GTF2H4: variants seen among roughly 807,000 people sequenced by gnomAD.
GTF2H4 encodes general transcription factor IIH subunit 4.
A neutral mutation model predicts 62.2 loss-of-function variants in GTF2H4; 49 were observed. The ratio of observed to expected loss-of-function variants is 0.79; its 90% CI spans 0.63 to 1.00. The LOEUF (loss-of-function observed/expected upper bound fraction) is 1.00, where lower values mean the gene tolerates loss of function less well. GTF2H4 is among the 50% of genes least tolerant of loss of function. The pLI, the probability that GTF2H4 is intolerant of heterozygous loss-of-function variation, is 0.00. For missense variants in GTF2H4, 479 were observed against 587.8 expected, an observed-to-expected ratio of 0.81 and a Z score of 1.91; for synonymous variants, 189 against 233.8, an observed-to-expected ratio of 0.81 and a Z score of 1.75.
rs1374778872 is a variant in GTF2H4, at chr6:30,911,521, A to G, written c.741+22A>G. 1 of 1,603,160 alleles carries G rather than the reference A, an allele frequency of 6.2e-7. No individual in the cohort carries two copies. The highest frequency in any genetic ancestry group is 2.2e-5 in the East Asian group (1 of 44,824). ...CAAGGTAAGCAGGGGGCTGAAAGGT[A>G]TAGAGATGGGAAGGGGAAAGCAAGT... On this transcript the variant is annotated intron_variant, in intron 8 of 13. Transcript: ENST00000259895. This position sits in a 1 kb window ranked among gnomAD's most constrained non-coding sequence, Gnocchi z 4.3.
Position 30,910,823 on chromosome 6 carries a change from A to G in GTF2H4, c.472-30A>G. 1 of 1,606,400 alleles carries G rather than the reference A, an allele frequency of 6.2e-7. No homozygotes were observed. The highest frequency in any genetic ancestry group is 8.5e-7 in the Non-Finnish European group (1 of 1,174,474). On this transcript the variant is annotated intron_variant, in intron 5 of 13. Transcript: ENST00000259895. This position sits in a 1 kb window ranked among gnomAD's most constrained non-coding sequence, Gnocchi z 4.7. ...TTCTACTTCCCATGGCCCTTGGGGC[A>G]TGGTCTCCCTGTTCTCTTCTGTTCT... is the stretch of plus-strand genomic sequence containing the variant.
chr6:30,913,762 T>C lies in GTF2H4; in HGVS notation c.1217-49T>C. The C allele has an allele frequency of 6.8e-7, 1 of 1,479,772 alleles. No individual in the cohort carries two copies. Among genetic ancestry groups the C allele is most frequent in the Non-Finnish European group, 9.0e-7 (1 of 1,108,288 alleles). The allele number at this position is 1,479,772 out of a possible 1,614,324, so 91.7% of individuals were successfully genotyped here. Reference sequence around the variant, plus strand: ...GGGATTCCCAATAGGAGCTCCGAGCTTCACTTTCTCGTCTTCTCCCCGCGC... The same window carrying C: ...GGGATTCCCAATAGGAGCTCCGAGCCTCACTTTCTCGTCTTCTCCCCGCGC... On this transcript the variant is annotated intron_variant, in intron 13 of 13. Transcript: ENST00000259895. The surrounding 1 kb of genome is among the most constrained non-coding windows in gnomAD (Gnocchi z 4.2).
chr6:30,913,096 G>T lies in GTF2H4; in HGVS notation c.1090-14G>T. On this transcript the variant is annotated splice_polypyrimidine_tract_variant and intron_variant, in intron 11 of 13. Transcript: ENST00000259895. This position sits in a 1 kb window ranked among gnomAD's most constrained non-coding sequence, Gnocchi z 4.2. ...TTGCTGGAGCCCTCATGCCATTCTTGTCTGTTTTCCTAGATAATCCATTTC... is the reference window on the plus strand; with the variant it reads ...TTGCTGGAGCCCTCATGCCATTCTTTTCTGTTTTCCTAGATAATCCATTTC... The T allele has an allele frequency of 6.2e-7, 1 of 1,613,932 alleles. No individual in the cohort carries two copies. The highest frequency in any genetic ancestry group is 8.5e-7 in the Non-Finnish European group (1 of 1,179,884).
rs900790505 is a variant in GTF2H4 at position 30,909,278 on chromosome 6, G to T, written c.137+105G>T. On this transcript the variant is annotated intron_variant, in intron 2 of 13. Coordinates refer to ENST00000259895, the MANE Select transcript of GTF2H4 (RefSeq NM_001517.5). The surrounding 1 kb of genome is among the most constrained non-coding windows in gnomAD (Gnocchi z 4.3). The stretch of plus-strand genomic sequence containing the variant: ...CCTGGAGTCGGGGTGGGGACTGGGG[G>T]CAAGGGTTGGAAATTGCTCTAAAGT... 2 of 1,396,306 alleles carry T rather than the reference G, an allele frequency of 1.4e-6. No individual in the cohort carries two copies. The highest frequency in any genetic ancestry group is 2.5e-5 in the East Asian group (1 of 40,326). 86.5% of individuals were successfully genotyped at this position (1,396,306 alleles called of 1,614,324 possible). A position where few individuals can be genotyped will look rare whatever the true frequency, so the allele number is the denominator to read the frequency against.
In GTF2H4 at chr6:30,911,246, T is replaced by C; in HGVS notation, c.649T>C (p.Leu217=). ...CCCGGCTCAGCTCTGGTACTTTATG[T>C]TGCAGTATTTGCAGACAGCCCAGGT... ...DTPAQLWYFM[L]QYLQTAQSRG... is the part of the protein sequence containing the mutation. The change falls in exon 7 of 14, where the codon TTG becomes CTG. Residue 217 remains leucine (L), a synonymous_variant. Transcript: ENST00000259895. This position sits in a 1 kb window ranked among gnomAD's most constrained non-coding sequence, Gnocchi z 4.3. The C allele has an allele frequency of 6.2e-7, 1 of 1,613,446 alleles. No homozygotes were observed. Among genetic ancestry groups the C allele is most frequent in the Non-Finnish European group, 8.5e-7 (1 of 1,179,890 alleles).
Position 30,909,080 on chromosome 6 carries a change from A to G in GTF2H4, c.44A>G (p.Gln15Arg). ...PSRGLNRVHL[Q>R]CRNLQEFLGG... ...AGGGGACTGAACCGAGTACACCTAC[A>G]ATGCAGGAATCTGCAGGAATTCTTA... Residue 15 changes from glutamine (Q) to arginine (R), a missense_variant, in exon 2 of 14, where the codon CAA becomes CGA. Transcript: ENST00000259895. This position sits in a 1 kb window ranked among gnomAD's most constrained non-coding sequence, Gnocchi z 4.3. The G allele has an allele frequency of 6.2e-7, 1 of 1,614,190 alleles. No individual in the cohort carries two copies. The highest frequency in any genetic ancestry group is 8.5e-7 in the Non-Finnish European group (1 of 1,180,020).
Position 30,911,291 on chromosome 6 carries a change from A to G in GTF2H4, c.672+22A>G. 6.4e-6 allele frequency: 10 copies of G among 1,574,770 alleles called. No individual in the cohort carries two copies. The highest frequency in any genetic ancestry group is 8.7e-6 in the Non-Finnish European group (10 of 1,145,344). On this transcript the variant is annotated intron_variant, in intron 7 of 13. Coordinates refer to ENST00000259895, the MANE Select transcript of GTF2H4 (RefSeq NM_001517.5). The surrounding 1 kb of genome is among the most constrained non-coding windows in gnomAD (Gnocchi z 4.3). ...CCAGGTGAGGAGGCAGGGCCACTTA[A>G]CCAGCATGCTCTGCTCCTCTCAGGT...
Position 30,909,563 on chromosome 6 carries a change from T to C in GTF2H4, c.242+24T>C. On this transcript the variant is annotated intron_variant, in intron 3 of 13. Coordinates refer to ENST00000259895, the MANE Select transcript of GTF2H4 (RefSeq NM_001517.5). The surrounding 1 kb of genome is among the most constrained non-coding windows in gnomAD (Gnocchi z 4.3). Reference sequence around the variant, plus strand: ...AAGTAAGTCTCAGCCAGATACAAATTTCTCAACAGCTACATTTCCCAAACT... The same window carrying C: ...AAGTAAGTCTCAGCCAGATACAAATCTCTCAACAGCTACATTTCCCAAACT... 1 of 1,415,878 alleles carries C rather than the reference T, an allele frequency of 7.1e-7. No homozygotes were observed. The highest frequency in any genetic ancestry group is 1.1e-5 in the South Asian group (1 of 87,038). 87.7% of individuals were successfully genotyped at this position (1,415,878 alleles called of 1,614,324 possible).
chr6:30,914,026 C>CGGGGG lies in GTF2H4; in HGVS notation c.*47_*48insGGGGG. On this transcript the variant is annotated 3_prime_UTR_variant, in exon 14 of 14. Transcript: ENST00000259895. Reference sequence around the variant, plus strand: ...ACGGACCTCGGCGGGCGGGACTGGGCGGGGCGGGGCATCAGAACTCAGGTG... The same window carrying CGGGGG: ...ACGGACCTCGGCGGGCGGGACTGGGCGGGGGGGGGCGGGGCATCAGAACTCAGGTG... 4 of 608,068 alleles carry CGGGGG rather than the reference C, an allele frequency of 6.6e-6. No individual in the cohort carries two copies. The highest frequency in any genetic ancestry group is 1.1e-5 in the Non-Finnish European group (4 of 355,886). 37.7% of individuals were successfully genotyped at this position (608,068 alleles called of 1,614,324 possible).
Position 30,913,760 on chromosome 6 carries a change from G to A in GTF2H4, c.1217-51G>A. 1 of 1,473,822 alleles carries A rather than the reference G, an allele frequency of 6.8e-7. No homozygotes were observed. Among genetic ancestry groups the A allele is most frequent in the East Asian group, 2.5e-5 (1 of 40,414 alleles). The allele number at this position is 1,473,822 out of a possible 1,614,324, so 91.3% of individuals were successfully genotyped here. ...GGGGGATTCCCAATAGGAGCTCCGA[G>A]CTTCACTTTCTCGTCTTCTCCCCGC... On this transcript the variant is annotated intron_variant, in intron 13 of 13. Coordinates refer to ENST00000259895, the MANE Select transcript of GTF2H4 (RefSeq NM_001517.5). The surrounding 1 kb of genome is among the most constrained non-coding windows in gnomAD (Gnocchi z 4.2).
In GTF2H4 at chr6:30,911,814, G is replaced by A. The variant is rs375196359; in HGVS notation, c.825+47G>A. On this transcript the variant is annotated intron_variant, in intron 9 of 13. Transcript: ENST00000259895. This position sits in a 1 kb window ranked among gnomAD's most constrained non-coding sequence, Gnocchi z 4.3. ...GCTTCCAGGGAAGAAACAGGGTGGT[G>A]TGTTGCCTTTGCCTTTAAAAAGGAG... 5.1e-5 allele frequency: 79 copies of A among 1,546,028 alleles called. No homozygotes were observed. The African/African-American group carries it at 8.8e-4, about 17-fold the overall frequency.
At position 30,911,853 on chromosome 6, in the gene GTF2H4, C is replaced by G; in HGVS notation, c.825+86C>G. The G allele has an allele frequency of 7.0e-7, 1 of 1,420,874 alleles. No homozygotes were observed. The highest frequency in any genetic ancestry group is 1.1e-5 in the South Asian group (1 of 86,992). 88.0% of individuals were successfully genotyped at this position (1,420,874 alleles called of 1,614,324 possible). On this transcript the variant is annotated intron_variant, in intron 9 of 13. Transcript: ENST00000259895. The surrounding 1 kb of genome is among the most constrained non-coding windows in gnomAD (Gnocchi z 4.3). ...TTTAAAAAGGAGTGGGGTCTTGGGG[C>G]AGTAGCAGGAAGCAGTTGCCAGAAC... is the stretch of plus-strand genomic sequence containing the variant.
At position 30,911,253 on chromosome 6, in the gene GTF2H4, A is replaced by G; in HGVS notation, c.656A>G (p.Tyr219Cys). The stretch of plus-strand genomic sequence containing the variant: ...CAGCTCTGGTACTTTATGTTGCAGT[A>G]TTTGCAGACAGCCCAGGTGAGGAGG... ...PAQLWYFMLQ[Y>C]LQTAQSRGMD... The change falls in exon 7 of 14, where the codon TAT becomes TGT. Residue 219 changes from tyrosine (Y) to cysteine (C), a missense_variant. Tyr to Cys is a radical substitution (Grantham distance 194). Transcript: ENST00000259895. The surrounding 1 kb of genome is among the most constrained non-coding windows in gnomAD (Gnocchi z 4.3). 2 of 1,613,124 alleles carry G rather than the reference A, an allele frequency of 1.2e-6. No homozygotes were observed. Among genetic ancestry groups the G allele is most frequent in the Non-Finnish European group, 1.7e-6 (2 of 1,179,784 alleles).
chr6:30,908,975 G>A, intron 1 of GTF2H4, 59 bp from the exon 2 acceptor site: 1 of 1,600,670 alleles, frequency 6.2e-7, no homozygotes, highest in South Asian at 1.1e-5. Context: ...AGTTAGAAAG[G>A]TCAGGGGTGA....
At position 30,909,257 on chromosome 6, in the gene GTF2H4, G is replaced by A. The variant is rs2150534276; in HGVS notation, c.137+84G>A. 6.7e-7 allele frequency: 1 copy of A among 1,484,848 alleles called. No homozygotes were observed. The highest frequency in any genetic ancestry group is 9.1e-7 in the Non-Finnish European group (1 of 1,103,514). 92.0% of individuals were successfully genotyped at this position (1,484,848 alleles called of 1,614,324 possible). ...TCATAGGTAAAAGTGTAGCAGCCTGGAGTCGGGGTGGGGACTGGGGGCAAG... is the reference window on the plus strand; with the variant it reads ...TCATAGGTAAAAGTGTAGCAGCCTGAAGTCGGGGTGGGGACTGGGGGCAAG... On this transcript the variant is annotated intron_variant, in intron 2 of 13. Coordinates refer to ENST00000259895, the MANE Select transcript of GTF2H4 (RefSeq NM_001517.5). The surrounding 1 kb of genome is among the most constrained non-coding windows in gnomAD (Gnocchi z 4.3).
Position 30,912,236 on chromosome 6 carries a change from T to C in GTF2H4, c.958+90T>C, listed in dbSNP as rs569981179. ...GTGTTTACCTGGCAGTCTACAGAGC[T>C]CTCTGACATTTCTCATGACACTTGA... is the stretch of plus-strand genomic sequence containing the variant. On this transcript the variant is annotated intron_variant, in intron 10 of 13. Transcript: ENST00000259895. This position sits in a 1 kb window ranked among gnomAD's most constrained non-coding sequence, Gnocchi z 4.8. 3.5e-4 allele frequency: 553 copies of C among 1,600,468 alleles called. No homozygotes were observed. In the African/African-American group the frequency reaches 3.9e-3, roughly 11 times the overall value.
At position 30,914,071 on chromosome 6, in the gene GTF2H4, G is replaced by A; in HGVS notation, c.*88G>A. The stretch of plus-strand genomic sequence containing the variant: ...CAGGTGTTTTTTATTTACGCGTCAG[G>A]GCTTTTCTTGTTTAATAAAGTTATG... On this transcript the variant is annotated 3_prime_UTR_variant, in exon 14 of 14. Transcript: ENST00000259895. 9 of 1,264,352 alleles carry A rather than the reference G, an allele frequency of 7.1e-6. No homozygotes were observed. The Middle Eastern group carries it at 1.1e-3, about 160-fold the overall frequency. 78.3% of individuals were successfully genotyped at this position (1,264,352 alleles called of 1,614,324 possible).
At position 30,910,483 on chromosome 6, in the gene GTF2H4, C is replaced by A. The variant is rs1020276328; in HGVS notation, c.375-182C>A. On this transcript the variant is annotated intron_variant, in intron 4 of 13. Coordinates refer to ENST00000259895, the MANE Select transcript of GTF2H4 (RefSeq NM_001517.5). The surrounding 1 kb of genome is among the most constrained non-coding windows in gnomAD (Gnocchi z 4.7). ...TAGCTGGGATTACAGGCACCCACCA[C>A]GACGCCAGGCTAATTTTTTGTATTT... 1 of 634,992 alleles carries A rather than the reference C, an allele frequency of 1.6e-6. No homozygotes were observed. 39.3% of individuals were successfully genotyped at this position (634,992 alleles called of 1,614,324 possible).
Position 30,912,148 on chromosome 6 carries a change from T to C in GTF2H4, c.958+2T>C, listed in dbSNP as rs1390663985. 5.0e-6 allele frequency: 8 copies of C among 1,612,430 alleles called. No individual in the cohort carries two copies. Among genetic ancestry groups the C allele is most frequent in the Non-Finnish European group, 6.8e-6 (8 of 1,179,906 alleles). On this transcript the variant is annotated splice_donor_variant, in intron 10 of 13. Coordinates refer to ENST00000259895, the MANE Select transcript of GTF2H4 (RefSeq NM_001517.5). LOFTEE classifies it high-confidence loss of function. This position sits in a 1 kb window ranked among gnomAD's most constrained non-coding sequence, Gnocchi z 4.8. ...ATTACCGACTGTATGCCTACACGGG[T>C]GAGGCGGGACAGAGGGCCCCTGGAA...
Sources: gnomAD v4.1 joint callset for allele counts on GRCh38, gnomAD v4.1.1 for gene constraint, Gnocchi (gnomAD v3.1) non-coding constraint, MANE v1.5 for transcripts, NCBI Gene and HGNC (gene_info 2026-07-23, HGNC 2026-07-21) for gene names.